Variants in RNGTT observed in about 807,000 individuals in gnomAD.
RNGTT encodes mRNA-capping enzyme.
RNGTT carries 33 observed loss-of-function variants against 79.3 expected under a neutral mutation model. That is an observed-to-expected ratio of 0.42 (90% confidence interval 0.32 to 0.56). RNGTT has a LOEUF of 0.56. Ranked by LOEUF, RNGTT falls within the 20% of genes least tolerant of loss-of-function variation. The pLI, the probability that RNGTT is intolerant of heterozygous loss-of-function variation, is 0.17. For missense variants in RNGTT, 497 were observed against 739.1 expected (o/e 0.67, Z 3.80); for synonymous variants, 222 against 235.9 (o/e 0.94, Z 0.54).
intron 12 of RNGTT, among the ~76,000 whole-genome samples, chr6:88,776,810 T>A (rs1778903091): frequency 6.6e-6 from 1 of 152,210 alleles, no homozygotes; most frequent in Non-Finnish European, 1.5e-5. Context: ...ATCTGCCTTT[T>A]CATTTTGTTG....
At chr6:88,950,867 T>G (rs1404286405) in intron 1 of RNGTT, among the ~76,000 whole-genome samples, 6 of 151,962 alleles carry the variant, frequency 3.9e-5, no homozygotes, top group Admixed American at 2.0e-4. Flanking sequence ...TTTGGTTTTT[T>G]TTTTTTTTTG....
intron 14 of RNGTT, among the ~76,000 whole-genome samples, chr6:88,672,202 CAT>C (rs58845645): frequency 0.28 from 37,622 of 135,236 alleles, 7,957 homozygotes; most frequent in African/African-American, 0.59. Context: ...AATGTATATA[CAT>C]ATATATATAT....
chr6:88,945,470 A>G (rs1218281233), intron 1 of RNGTT, among the ~76,000 whole-genome samples: 2 of 152,198 alleles, frequency 1.3e-5, no homozygotes, highest in East Asian at 3.8e-4. Flanking sequence ...AACTCTTGTT[A>G]GTTTCAATCA....
chr6:88,916,198 A>G (rs1783993740), intron 4 of RNGTT, among the ~76,000 whole-genome samples: 1 of 152,216 alleles, frequency 6.6e-6, no homozygotes, highest in Admixed American at 6.5e-5. Flanking sequence ...AGATTCTTCC[A>G]GGCAGGTGGC....
At chr6:88,894,340 ATTTAT>A (rs777509608) in intron 6 of RNGTT, among the ~76,000 whole-genome samples, 24 of 152,286 alleles carry the variant, frequency 1.6e-4, no homozygotes, top group Non-Finnish European at 2.8e-4. Flanking sequence ...TGCTTTTCAT[ATTTAT>A]TTTATTTTAA....
intron 12 of RNGTT, among the ~76,000 whole-genome samples, chr6:88,785,887 T>C (rs1279750828): frequency 2.0e-5 from 3 of 152,156 alleles, no homozygotes; most frequent in Non-Finnish European, 4.4e-5. Context: ...TGACTCTAAA[T>C]TTCTATGCAA....
chr6:88,899,601 C>CA (rs911593288), intron 6 of RNGTT, among the ~76,000 whole-genome samples: 88 of 142,096 alleles, frequency 6.2e-4, no homozygotes, highest in African/African-American at 1.5e-3. Flanking sequence ...TTTGTAGCCA[C>CA]AAAAAAAAAA....
chr6:88,897,984 A>C (rs910535172), intron 6 of RNGTT, among the ~76,000 whole-genome samples: 1 of 152,132 alleles, frequency 6.6e-6, no homozygotes, highest in African/African-American at 2.4e-5. Flanking sequence ...AGCACAAGAA[A>C]GCCTACACAT....
chr6:88,929,282 AAATG>A lies in RNGTT; in HGVS notation c.175-19_175-16del. The A allele has an allele frequency of 6.5e-7, 1 of 1,543,564 alleles. No homozygotes were observed. Among genetic ancestry groups the A allele is most frequent in the South Asian group, 1.2e-5 (1 of 85,088 alleles). On this transcript the variant is annotated splice_polypyrimidine_tract_variant and intron_variant, in intron 2 of 15. Transcript: ENST00000369485. ...CCCATTTTAACCTAAAAAAAAAAAA[AAATG>A]AAAGGGCAAATTTACTAGTAACTTA...
At chr6:88,782,948 T>G (rs545702947) in intron 12 of RNGTT, among the ~76,000 whole-genome samples, 8 of 152,284 alleles carry the variant, frequency 5.3e-5, no homozygotes, top group Admixed American at 5.2e-4. Context: ...TCGGTGAGAA[T>G]GTAAATTGGT....
At chr6:88,786,014 G>C (rs951718933) in intron 12 of RNGTT, among the ~76,000 whole-genome samples, 2 of 151,938 alleles carry the variant, frequency 1.3e-5, no homozygotes, top group Non-Finnish European at 2.9e-5. Flanking sequence ...AATAACTCTA[G>C]ACTCAATAGA....
intron 9 of RNGTT, among the ~76,000 whole-genome samples, chr6:88,853,049 C>T (rs1026835116): frequency 2.6e-5 from 4 of 152,168 alleles, no homozygotes; most frequent in African/African-American, 9.6e-5. Context: ...TTGACCAGAG[C>T]ACTCATTTAA....
At chr6:88,930,743 C>T (rs562835523) in intron 2 of RNGTT, among the ~76,000 whole-genome samples, 6 of 152,090 alleles carry the variant, frequency 3.9e-5, no homozygotes, top group Admixed American at 3.9e-4. Flanking sequence ...AAGAGCTCAC[C>T]ATAAAGTGGC....
chr6:88,850,335 G>C (rs1352649107), intron 9 of RNGTT, among the ~76,000 whole-genome samples: 1 of 151,772 alleles, frequency 6.6e-6, no homozygotes, highest in Non-Finnish European at 1.5e-5. Context: ...TTTGTTCAAA[G>C]GGAACAGGGC....
At chr6:88,915,510 G>A (rs999682702) in intron 4 of RNGTT, among the ~76,000 whole-genome samples, 8 of 152,104 alleles carry the variant, frequency 5.3e-5, no homozygotes, top group African/African-American at 1.2e-4. Context: ...GAGAATTAAC[G>A]CAGAAACAGA....
At chr6:88,760,607 ATAGTGATTACAT>A (rs1161631660) in intron 13 of RNGTT, among the ~76,000 whole-genome samples, 7 of 152,326 alleles carry the variant, frequency 4.6e-5, no homozygotes, top group Middle Eastern at 3.4e-3. Context: ...TACTATAATA[ATAGTGATTACAT>A]TAGTGTTTTA....
At chr6:88,806,346 C>T (rs1164940284) in intron 11 of RNGTT, among the ~76,000 whole-genome samples, 2 of 142,384 alleles carry the variant, frequency 1.4e-5, no homozygotes, top group African/African-American at 5.3e-5. Context: ...GAGATGGAGT[C>T]TCACTCTGTC....
chr6:88,770,202 T>G (rs1479530369), intron 12 of RNGTT, among the ~76,000 whole-genome samples: 1 of 152,178 alleles, frequency 6.6e-6, no homozygotes, highest in Non-Finnish European at 1.5e-5. Flanking sequence ...GGATAATTTA[T>G]AATGAATAAA....
At chr6:88,806,241 G>A (rs1269631800) in intron 11 of RNGTT, among the ~76,000 whole-genome samples, 1 of 151,526 alleles carries the variant, frequency 6.6e-6, no homozygotes, top group African/African-American at 2.4e-5. Flanking sequence ...CTATATTTTG[G>A]AATTATCAAA....
Sources: allele counts gnomAD v4.1 joint callset (sites outside exome capture counted in the v4.1 genomes callset), GRCh38; gene constraint gnomAD v4.1.1; transcripts MANE v1.5; gene names NCBI Gene and HGNC (gene_info 2026-07-23, HGNC 2026-07-21).